Variants in ACO1 observed in about 807,000 individuals in gnomAD.
ACO1 encodes aconitase 1, also known as cytoplasmic aconitate hydratase.
Under a neutral mutation model 105.1 loss-of-function variants are expected in ACO1, and 78 were observed. The ratio of observed to expected loss-of-function variants is 0.74; its 90% CI spans 0.62 to 0.90. The LOEUF (loss-of-function observed/expected upper bound fraction) is 0.90, where lower values mean the gene tolerates loss of function less well. Among genes scored for constraint, ACO1 ranks in the 40% least tolerant of loss-of-function variants. ACO1 has a pLI of 0.00. For missense variants in ACO1, 965 were observed against 1,111.1 expected (o/e 0.87, Z 1.87); for synonymous variants, 364 against 397.4 (o/e 0.92, Z 1.00).
rs1822245282 is a variant in ACO1, at chr9:32,431,802, G to T, written c.1810G>T (p.Val604Phe). The T allele has an allele frequency of 1.2e-6, 2 of 1,614,026 alleles. No individual in the cohort carries two copies. The highest frequency in any genetic ancestry group is 1.7e-5 in the Admixed American group (1 of 59,996). ...GATCCAGGCAGTGGAGCGTCAGTAT[G>T]TCATCCCGGGGATGTTTAAGGAAGT... Reference protein sequence around the residue: ...DEIQAVERQYVIPGMFKEVYQ... With the variant: ...DEIQAVERQYFIPGMFKEVYQ... Residue 604 changes from valine to phenylalanine, a missense_variant, in exon 15 of 21, where the codon GTC becomes TTC. Val to Phe is a conservative substitution (Grantham distance 50, BLOSUM62 -1). Transcript: ENST00000309951.
chr9:32,423,264 T>C lies in ACO1; in HGVS notation c.971-55T>C, dbSNP rs1822015056. 4.7e-6 allele frequency: 5 copies of C among 1,055,274 alleles called. No individual in the cohort carries two copies. In the East Asian group the frequency reaches 1.3e-4, roughly 27 times the overall value. 65.4% of individuals were successfully genotyped at this position (1,055,274 alleles called of 1,614,324 possible). ...CTAATGGAAGTATCAGTTTATAAACTTCAACCAGGAAATACTAACCTATGT... is the reference window on the plus strand; with the variant it reads ...CTAATGGAAGTATCAGTTTATAAACCTCAACCAGGAAATACTAACCTATGT... On this transcript the variant is annotated intron_variant, in intron 8 of 20. Coordinates refer to ENST00000309951, the MANE Select transcript of ACO1 (RefSeq NM_002197.3).
intron 8 of ACO1, 44 bp from the exon 9 acceptor site, chr9:32,423,275 A>G (rs1158707930): frequency 1.7e-6 from 2 of 1,174,388 alleles, no homozygotes; most frequent in Non-Finnish European, 2.4e-6. Flanking sequence ...TCAACCAGGA[A>G]ATACTAACCT....
intron 1 of ACO1, among the ~76,000 whole-genome samples, chr9:32,404,568 GC>G (rs1414674403): frequency 6.6e-6 from 1 of 152,174 alleles, no homozygotes; most frequent in African/African-American, 2.4e-5. Context: ...ATTCCTTCAT[GC>G]CCTCTCGGCT....
chr9:32,412,097 A>G lies in ACO1; in HGVS notation c.404+3446A>G, dbSNP rs529999673. 1.4e-4 allele frequency among the ~76,000 whole-genome samples: 21 copies of G among 152,338 alleles called. No homozygotes were observed. In the East Asian group the frequency reaches 2.7e-3, roughly 20 times the overall value. ...GGCCAATAATGTTTATTAAAGTATT[A>G]TTTATAAATGAAGCCTAGAAACATT... On this transcript the variant is annotated intron_variant, in intron 4 of 20. Coordinates refer to ENST00000309951, the MANE Select transcript of ACO1 (RefSeq NM_002197.3).
intron 4 of ACO1, among the ~76,000 whole-genome samples, chr9:32,412,210 G>A (rs1183700369): frequency 6.6e-6 from 1 of 152,168 alleles, no homozygotes; most frequent in Non-Finnish European, 1.5e-5. Context: ...AATTTATGAA[G>A]TCTTTAATAA....
intron 15 of ACO1, 58 bp from the exon 16 acceptor site, chr9:32,433,670 T>C (rs138491379): frequency 5.4e-6 from 7 of 1,288,034 alleles, no homozygotes; most frequent in Non-Finnish European, 7.7e-6. Context: ...TGTGTTTGCA[T>C]ATTAAATTTT....
chr9:32,440,748 ATTTAT>A (rs1248637369), intron 19 of ACO1, among the ~76,000 whole-genome samples, 161 bp downstream of exon 19: 1 of 152,116 alleles, frequency 6.6e-6, no homozygotes, highest in Non-Finnish European at 1.5e-5. Context: ...GTGCCTCTGG[ATTTAT>A]TTTATTTGGT....
chr9:32,423,609 T>A (rs1408098984), intron 9 of ACO1, among the ~76,000 whole-genome samples, 190 bp downstream of exon 9: 1 of 152,232 alleles, frequency 6.6e-6, no homozygotes, highest in Non-Finnish European at 1.5e-5. Context: ...ATAATATAAC[T>A]TCTTACATTC....
chr9:32,421,141 A>C (rs1042784017), intron 8 of ACO1, 114 bp downstream of exon 8: 27 of 1,192,464 alleles, frequency 2.3e-5, no homozygotes, highest in Non-Finnish European at 3.0e-5. Flanking sequence ...TTACAGTTAC[A>C]CAATTATTTT....
rs1265262311 is a variant in ACO1 at position 32,450,865 on chromosome 9, G to A, written c.*754G>A. 1 of 148,926 alleles carries A rather than the reference G, an allele frequency of 6.7e-6. No homozygotes were observed. Among genetic ancestry groups the A allele is most frequent in the Non-Finnish European group, 1.5e-5 (1 of 67,896 alleles). 9.2% of individuals were successfully genotyped at this position (148,926 alleles called of 1,614,324 possible). On this transcript the variant is annotated 3_prime_UTR_variant, in exon 21 of 21. Transcript: ENST00000309951. The stretch of plus-strand genomic sequence containing the variant: ...GTTGACTTTGAGTTTTGCTGTGTTT[G>A]TGGCTAGAGTTTTGGGATATTTAGT...
intron 1 of ACO1, among the ~76,000 whole-genome samples, chr9:32,392,318 C>A (rs1202950713): frequency 1.3e-5 from 2 of 152,160 alleles, no homozygotes; most frequent in Non-Finnish European, 2.9e-5. Flanking sequence ...TGGCAAGATA[C>A]TTAGCCCGTC....
At chr9:32,422,021 A>T (rs1005881375) in intron 8 of ACO1, among the ~76,000 whole-genome samples, 1 of 152,276 alleles carries the variant, frequency 6.6e-6, no homozygotes, top group Non-Finnish European at 1.5e-5. Context: ...GAAATTGATT[A>T]ATACATCTTT....
intron 1 of ACO1, among the ~76,000 whole-genome samples, chr9:32,405,212 G>T (rs1821583577): frequency 6.6e-6 from 1 of 152,204 alleles, no homozygotes. Flanking sequence ...GTCGCCTCCT[G>T]CACTAGCAAT....
rs139516932 is a variant in ACO1, at chr9:32,451,130, T to G, written c.*1019T>G. 2 of 152,156 alleles carry G rather than the reference T, an allele frequency of 1.3e-5. No homozygotes were observed. The highest frequency in any genetic ancestry group is 4.8e-5 in the African/African-American group (2 of 41,532). 9.4% of individuals were successfully genotyped at this position (152,156 alleles called of 1,614,324 possible). ...CACTAAAAACCAATTATCTGCTCAT[T>G]TTTACCCCTGTAGTCATTTCTGGGC... On this transcript the variant is annotated 3_prime_UTR_variant, in exon 21 of 21. Coordinates refer to ENST00000309951, the MANE Select transcript of ACO1 (RefSeq NM_002197.3).
intron 1 of ACO1, among the ~76,000 whole-genome samples, chr9:32,403,099 CA>C (rs1398423163): frequency 6.6e-6 from 1 of 152,196 alleles, no homozygotes; most frequent in African/African-American, 2.4e-5. Flanking sequence ...TGACCTCCAA[CA>C]GCAGCATCGT....
chr9:32,401,006 A>G (rs1821483920), intron 1 of ACO1, among the ~76,000 whole-genome samples: 1 of 151,544 alleles, frequency 6.6e-6, no homozygotes, highest in Non-Finnish European at 1.5e-5. Context: ...ATTATTTTGC[A>G]ACTTTAAAAT....
At chr9:32,436,137 A>T (rs1479039936) in intron 17 of ACO1, 113 bp from the exon 18 acceptor site, 6 of 1,405,946 alleles carry the variant, frequency 4.3e-6, no homozygotes, top group Non-Finnish European at 6.0e-6. Flanking sequence ...AGACTTAGAG[A>T]AATAGCCAGG....
At chr9:32,387,720 T>C (rs1430773987) in intron 1 of ACO1, among the ~76,000 whole-genome samples, 1 of 152,234 alleles carries the variant, frequency 6.6e-6, no homozygotes, top group East Asian at 1.9e-4. Context: ...TTATACAGTT[T>C]CTATTGCAGC....
chr9:32,410,272 C>T (rs1276255940), intron 4 of ACO1, among the ~76,000 whole-genome samples: 2 of 152,026 alleles, frequency 1.3e-5, no homozygotes, highest in East Asian at 1.9e-4. Context: ...AGTAGAGTAC[C>T]TGATGGCCGG....
Sources: allele counts gnomAD v4.1 joint callset (sites outside exome capture counted in the v4.1 genomes callset), GRCh38; gene constraint gnomAD v4.1.1; transcripts MANE v1.5; gene names NCBI Gene and HGNC (gene_info 2026-07-23, HGNC 2026-07-21).